The following AFG2A variants were observed in gnomAD, a reference collection of about 807,000 sequenced individuals.
AFG2A encodes ATPase family gene 2 protein homolog A.
chr4:123,104,637 G>A, the AFG2A span, among the ~76,000 whole-genome samples: 1 of 152,208 alleles, frequency 6.6e-6, no homozygotes, highest in Non-Finnish European at 1.5e-5. Flanking sequence ...GAAATTAAAA[G>A]TGCTACTTCA....
At chr4:122,962,164 A>G in the AFG2A span, among the ~76,000 whole-genome samples, 1 of 152,222 alleles carries the variant, frequency 6.6e-6, no homozygotes, top group African/African-American at 2.4e-5. Flanking sequence ...GGCGGAGCTC[A>G]GGTAGTAATG....
the AFG2A span, among the ~76,000 whole-genome samples, chr4:123,282,251 G>T: frequency 6.6e-6 from 1 of 152,138 alleles, no homozygotes; most frequent in Non-Finnish European, 1.5e-5. Context: ...AAATAAAAAG[G>T]CTACTCACTG....
chr4:123,063,794 C>T, the AFG2A span, among the ~76,000 whole-genome samples: 3 of 151,684 alleles, frequency 2.0e-5, no homozygotes, highest in South Asian at 2.1e-4. Flanking sequence ...TTTCTAAATT[C>T]AGGATGTTTC....
chr4:123,037,693 A>G, the AFG2A span, among the ~76,000 whole-genome samples: 15 of 152,038 alleles, frequency 9.9e-5, no homozygotes, highest in African/African-American at 3.6e-4. Context: ...CACCTTTGCC[A>G]CTCGATCTGC....
At chr4:123,124,864 C>G in the AFG2A span, among the ~76,000 whole-genome samples, 3,265 of 152,236 alleles carry the variant, frequency 0.021, 113 homozygotes, top group African/African-American at 0.074. Flanking sequence ...TATTATACTT[C>G]TTTTGACAGA....
the AFG2A span, among the ~76,000 whole-genome samples, chr4:123,031,174 CAG>C: frequency 2.0e-5 from 3 of 151,754 alleles, no homozygotes; most frequent in African/African-American, 4.8e-5. Flanking sequence ...TTTTTTGAGA[CAG>C]AGTCTTGTTC....
At chr4:123,039,568 C>G in the AFG2A span, among the ~76,000 whole-genome samples, 1 of 151,840 alleles carries the variant, frequency 6.6e-6, no homozygotes. Flanking sequence ...CTTAATTTAC[C>G]ACATGTAAAT....
chr4:123,168,024 A>G, the AFG2A span, among the ~76,000 whole-genome samples: 2 of 152,228 alleles, frequency 1.3e-5, no homozygotes, highest in East Asian at 3.9e-4. Flanking sequence ...TTTTATATTC[A>G]AAACTCCAGT....
the AFG2A span, among the ~76,000 whole-genome samples, chr4:123,275,273 G>A: frequency 6.6e-6 from 1 of 152,144 alleles, no homozygotes; most frequent in Non-Finnish European, 1.5e-5. Context: ...TGTAGGTGGT[G>A]AAGAGGAGTT....
At chr4:123,095,677 A>T in the AFG2A span, among the ~76,000 whole-genome samples, 1 of 148,064 alleles carries the variant, frequency 6.8e-6, no homozygotes, top group Non-Finnish European at 1.5e-5. Context: ...CGAAGAGTTA[A>T]AGTACATTTT....
chr4:123,289,551 A>C, the AFG2A span, among the ~76,000 whole-genome samples: 1 of 152,170 alleles, frequency 6.6e-6, no homozygotes, highest in African/African-American at 2.4e-5. Flanking sequence ...TGAAGGATCA[A>C]ATGGTAATTC....
At chr4:123,136,211 G>C in the AFG2A span, among the ~76,000 whole-genome samples, 1 of 152,128 alleles carries the variant, frequency 6.6e-6, no homozygotes, top group Non-Finnish European at 1.5e-5. Context: ...GTCCTAACTT[G>C]TCGACTGTTC....
the AFG2A span, among the ~76,000 whole-genome samples, chr4:123,001,378 T>C: frequency 6.6e-6 from 1 of 152,190 alleles, no homozygotes; most frequent in Non-Finnish European, 1.5e-5. Context: ...CTTTTCTAGT[T>C]CTTCTAATTG....
the AFG2A span, among the ~76,000 whole-genome samples, chr4:123,079,441 A>G: frequency 6.6e-6 from 1 of 152,204 alleles, no homozygotes; most frequent in Non-Finnish European, 1.5e-5. Context: ...AGGCAAAGCA[A>G]GCAATAACAT....
the AFG2A span, among the ~76,000 whole-genome samples, chr4:123,029,887 C>G: frequency 6.6e-6 from 1 of 152,150 alleles, no homozygotes; most frequent in Non-Finnish European, 1.5e-5. Context: ...GCCCTCCCAC[C>G]TTACCCTCCC....
At chr4:122,935,822 A>G in the AFG2A span, 1 of 1,611,168 alleles carries the variant, frequency 6.2e-7, no homozygotes, top group Non-Finnish European at 8.5e-7. Context: ...TCTGTAATTA[A>G]TGGTCCTGAA....
At chr4:123,234,325 G>A in the AFG2A span, among the ~76,000 whole-genome samples, 14 of 152,118 alleles carry the variant, frequency 9.2e-5, no homozygotes, top group Admixed American at 8.5e-4. Context: ...ATTACTTAAC[G>A]TCTTCAAGCT....
At chr4:123,300,899 A>C in the AFG2A span, among the ~76,000 whole-genome samples, 1 of 151,848 alleles carries the variant, frequency 6.6e-6, no homozygotes, top group African/African-American at 2.4e-5. Flanking sequence ...ACAAAATAAA[A>C]CCCACTCACC....
At chr4:123,251,327 T>A in the AFG2A span, among the ~76,000 whole-genome samples, 3 of 152,174 alleles carry the variant, frequency 2.0e-5, no homozygotes, top group Non-Finnish European at 4.4e-5. Flanking sequence ...ATATAGTAGA[T>A]GCTTAATAAT....
Sources: allele counts gnomAD v4.1 joint callset (sites outside exome capture counted in the v4.1 genomes callset), GRCh38; gene constraint gnomAD v4.1.1; transcripts MANE v1.5; gene names NCBI Gene and HGNC (gene_info 2026-07-23, HGNC 2026-07-21).